CILK1: variants seen among roughly 807,000 people sequenced by gnomAD.
CILK1 encodes serine/threonine-protein kinase ICK.
A neutral mutation model predicts 79.2 loss-of-function variants in CILK1; 47 were observed. The observed-to-expected ratio is 0.59, with a 90% CI of 0.47 to 0.76. The LOEUF (loss-of-function observed/expected upper bound fraction) is 0.76. CILK1 is among the 30% of genes least tolerant of loss of function. The pLI is 0.00. For missense variants in CILK1, 660 were observed against 769.5 expected (o/e 0.86, Z 1.68); for synonymous variants, 266 against 275.9 (o/e 0.96, Z 0.36).
chr6:53,002,162 T>C lies in CILK1; in HGVS notation c.*2987A>G, dbSNP rs549987944. 2.0e-5 allele frequency: 3 copies of C among 152,330 alleles called. No homozygotes were observed. The South Asian group carries it at 6.2e-4, about 32-fold the overall frequency. The allele number at this position is 152,330 out of a possible 1,614,324, so 9.4% of individuals were successfully genotyped here. A position where few individuals can be genotyped will look rare whatever the true frequency, so the allele number is the denominator to read the frequency against. ...CATGGGCTGGGTGAGGGCTTGGTAATTAATGGAATTTTTTTGTAAAATGAA... is the reference window on the plus strand; with the variant it reads ...CATGGGCTGGGTGAGGGCTTGGTAACTAATGGAATTTTTTTGTAAAATGAA... On this transcript the variant is annotated 3_prime_UTR_variant, in exon 14 of 14. Transcript: ENST00000676107.
chr6:53,005,211 G>A lies in CILK1; in HGVS notation c.1837C>T (p.Pro613Ser), dbSNP rs1283048610. Residue 613 changes from proline (P) to serine (S), a missense_variant, in exon 14 of 14, where the codon CCA becomes TCA. Physicochemically the swap from Pro to Ser is moderately conservative, Grantham distance 74 (BLOSUM62 -1). Transcript: ENST00000676107. ...CGGCCATGCACTGGCTGGGCGGCTG[G>A]AGGCCGTGGTATCAACCCAGGAGTG... ...RSTPGLIPRP[P>S]AAQPVHGRTD... is the part of the protein sequence containing the mutation. 1 of 1,614,206 alleles carries A rather than the reference G, an allele frequency of 6.2e-7. No individual in the cohort carries two copies. Among genetic ancestry groups the A allele is most frequent in the African/African-American group, 1.3e-5 (1 of 75,062 alleles).
chr6:53,050,191 C>T (rs1767381652), intron 1 of CILK1, among the ~76,000 whole-genome samples: 1 of 152,090 alleles, frequency 6.6e-6, no homozygotes, highest in Admixed American at 6.6e-5. Flanking sequence ...CTTGACAAGA[C>T]ATCACAATTC....
intron 5 of CILK1, among the ~76,000 whole-genome samples, chr6:53,030,736 C>G (rs1765894549): frequency 6.6e-6 from 1 of 152,104 alleles, no homozygotes; most frequent in African/African-American, 2.4e-5. Context: ...TGTTAGTGGA[C>G]CAAACATAAT....
rs770960700 is a variant in CILK1 at position 53,019,402 on chromosome 6, C to CAA, written c.359-44_359-43insTT. ...GAGAAGAAATCCAAATGCAAGTTTG[C>CAA]TTCGTATTATTCTTTGCAATTGTAT... On this transcript the variant is annotated intron_variant, in intron 5 of 13. Transcript: ENST00000676107. 1.9e-6 allele frequency: 3 copies of CAA among 1,609,910 alleles called. No homozygotes were observed. In the African/African-American group the frequency reaches 4.0e-5, roughly 21 times the overall value.
rs992560583 is a variant in CILK1, at chr6:53,055,938, G to C, written c.-173+5658C>G. On this transcript the variant is annotated intron_variant, in intron 1 of 13. Coordinates refer to ENST00000676107, the MANE Select transcript of CILK1 (RefSeq NM_014920.5). The stretch of plus-strand genomic sequence containing the variant: ...CATGTGTGAAACTGTAGATGAGCTA[G>C]AACGAGAGTCCCCAGCTTAATGAAA... Among the ~76,000 whole-genome samples the C allele has an allele frequency of 4.6e-5, 7 of 152,310 alleles. 1 individual carries two copies. The East Asian group carries it at 1.2e-3, about 25-fold the overall frequency.
chr6:53,008,921 T>C (rs1764398864), intron 12 of CILK1, among the ~76,000 whole-genome samples: 1 of 152,222 alleles, frequency 6.6e-6, no homozygotes. Context: ...ACGTCTCTAC[T>C]GTGAACAGGG....
At chr6:53,047,122 G>A (rs1767132657) in intron 1 of CILK1, among the ~76,000 whole-genome samples, 1 of 152,144 alleles carries the variant, frequency 6.6e-6, no homozygotes, top group Non-Finnish European at 1.5e-5. Context: ...TCAGGATGGG[G>A]GCTGAGCTTT....
intron 5 of CILK1, among the ~76,000 whole-genome samples, chr6:53,029,789 T>C (rs1026663995): frequency 5.3e-5 from 8 of 152,200 alleles, no homozygotes; most frequent in African/African-American, 1.9e-4. Flanking sequence ...TCTCCTTGAG[T>C]AATAAAACTT....
intron 9 of CILK1, among the ~76,000 whole-genome samples, chr6:53,013,090 T>C (rs958511741): frequency 1.3e-5 from 2 of 152,226 alleles, no homozygotes; most frequent in South Asian, 2.1e-4. Flanking sequence ...AAAAACATCA[T>C]GGCCTTTGAT....
chr6:53,020,276 G>A (rs546250576), intron 5 of CILK1, among the ~76,000 whole-genome samples: 2 of 152,146 alleles, frequency 1.3e-5, no homozygotes, highest in African/African-American at 4.8e-5. Flanking sequence ...TCACTCAAAC[G>A]CCCAGTGAAT....
At position 53,003,197 on chromosome 6, in the gene CILK1, A is replaced by C. The variant is rs1433087145; in HGVS notation, c.*1952T>G. 6.6e-6 allele frequency: 1 copy of C among 152,602 alleles called. No individual in the cohort carries two copies. The highest frequency in any genetic ancestry group is 2.4e-5 in the African/African-American group (1 of 41,440). The allele number at this position is 152,602 out of a possible 1,614,324, so 9.5% of individuals were successfully genotyped here. Reference sequence around the variant, plus strand: ...TGTTAACAGGAAAAGACCACCTATCACATCCACATCCATTATGTGCTTTTC... The same window carrying C: ...TGTTAACAGGAAAAGACCACCTATCCCATCCACATCCATTATGTGCTTTTC... On this transcript the variant is annotated 3_prime_UTR_variant, in exon 14 of 14. Coordinates refer to ENST00000676107, the MANE Select transcript of CILK1 (RefSeq NM_014920.5).
chr6:53,042,743 G>A (rs1358160505), intron 1 of CILK1, among the ~76,000 whole-genome samples: 1 of 152,222 alleles, frequency 6.6e-6, no homozygotes, highest in Non-Finnish European at 1.5e-5. Context: ...CTAAGGAACT[G>A]TCACAGATTG....
intron 6 of CILK1, 128 bp from the exon 7 acceptor site, chr6:53,018,629 G>T: frequency 1.1e-6 from 1 of 933,108 alleles, no homozygotes; most frequent in Non-Finnish European, 1.6e-6. Flanking sequence ...TGGTGTAATG[G>T]AATTGTGAGA....
intron 5 of CILK1, among the ~76,000 whole-genome samples, chr6:53,030,336 G>A (rs921120594): frequency 2.0e-5 from 3 of 152,126 alleles, no homozygotes; most frequent in Non-Finnish European, 4.4e-5. Context: ...GTTACATACC[G>A]TCCTCTCTAA....
At chr6:53,012,746 G>A (rs1207690818) in intron 9 of CILK1, among the ~76,000 whole-genome samples, 1 of 152,150 alleles carries the variant, frequency 6.6e-6, no homozygotes, top group African/African-American at 2.4e-5. Flanking sequence ...AAAGTGACTA[G>A]GCCAGAGATA....
At chr6:53,028,871 T>C (rs1765745651) in intron 5 of CILK1, among the ~76,000 whole-genome samples, 1 of 152,006 alleles carries the variant, frequency 6.6e-6, no homozygotes. Context: ...TAGGCATATA[T>C]GCATGTGGGT....
chr6:53,048,687 G>A (rs983251074), intron 1 of CILK1, among the ~76,000 whole-genome samples: 1 of 152,072 alleles, frequency 6.6e-6, no homozygotes, highest in South Asian at 2.1e-4. Context: ...CATGGTAGGC[G>A]CCTTCGCTGC....
At chr6:53,030,021 TAAC>T (rs2127436301) in intron 5 of CILK1, among the ~76,000 whole-genome samples, 1 of 152,298 alleles carries the variant, frequency 6.6e-6, no homozygotes, top group South Asian at 2.1e-4. Flanking sequence ...GTCTAGTTAG[TAAC>T]AACAAGCAGC....
chr6:53,042,163 T>G (rs955772753), intron 1 of CILK1, among the ~76,000 whole-genome samples: 2 of 152,232 alleles, frequency 1.3e-5, no homozygotes. Flanking sequence ...TTGACTATGT[T>G]GCCCTTTACA....
Sources: allele counts gnomAD v4.1 joint callset (sites outside exome capture counted in the v4.1 genomes callset), GRCh38; gene constraint gnomAD v4.1.1; transcripts MANE v1.5; gene names NCBI Gene and HGNC (gene_info 2026-07-23, HGNC 2026-07-21).